The following BIN1 variants were observed in gnomAD, a reference collection of about 807,000 sequenced individuals.
BIN1 encodes myc box-dependent-interacting protein 1.
Under a neutral mutation model 82.0 loss-of-function variants are expected in BIN1, and 53 were observed. That is an observed-to-expected ratio of 0.65 (90% CI 0.52 to 0.81). BIN1 has a LOEUF of 0.81. Among genes scored for constraint, BIN1 ranks in the 40% least tolerant of loss-of-function variants. BIN1 has a pLI of 0.00. For synonymous variants in BIN1, 302 were observed against 328.0 expected, an observed-to-expected ratio of 0.92 and a Z score of 0.86; for missense variants, 642 against 784.4, an observed-to-expected ratio of 0.82 and a Z score of 2.17.
intron 2 of BIN1, among the ~76,000 whole-genome samples, chr2:127,072,109 C>T (rs750547326): frequency 3.3e-5 from 5 of 152,258 alleles, no homozygotes; most frequent in Non-Finnish European, 5.9e-5. Context: ...TCCCAGGAGA[C>T]CCAGCATGCC....
At position 127,090,120 on chromosome 2, in the gene BIN1, A is replaced by T. The variant is rs1272805821; in HGVS notation, c.85-13414T>A. ...CCAACCACCCCCCTTCCTCTCTCCA[A>T]TCAAGCTCCCCTCTGCAGCCTCCTT... is the stretch of plus-strand genomic sequence containing the variant. On this transcript the variant is annotated intron_variant, in intron 1 of 18. Coordinates refer to ENST00000316724, the MANE Select transcript of BIN1 (RefSeq NM_139343.3). The surrounding 1 kb of genome is among the most constrained non-coding windows in gnomAD (Gnocchi z 6.4). Among the ~76,000 whole-genome samples, 1 of 151,656 alleles carries T rather than the reference A, an allele frequency of 6.6e-6. No homozygotes were observed. The highest frequency in any genetic ancestry group is 1.9e-4 in the East Asian group (1 of 5,140).
chr2:127,065,247 G>C (rs114068033), intron 7 of BIN1, among the ~76,000 whole-genome samples: 1 of 152,170 alleles, frequency 6.6e-6, no homozygotes, highest in African/African-American at 2.4e-5. Flanking sequence ...TAGAGTGGGC[G>C]TGGGCTCCTT....
At position 127,053,895 on chromosome 2, in the gene BIN1, C is replaced by T. The variant is rs1683291583; in HGVS notation, c.1239+10G>A. The T allele has an allele frequency of 5.2e-6, 8 of 1,550,400 alleles. No homozygotes were observed. Among genetic ancestry groups the T allele is most frequent in the African/African-American group, 1.4e-5 (1 of 73,012 alleles). On this transcript the variant is annotated intron_variant, in intron 13 of 18. Coordinates refer to ENST00000316724, the MANE Select transcript of BIN1 (RefSeq NM_139343.3). ...TGGTGGGCCCATGGGCAGTGGTGGG[C>T]ACAACCAACCTGACCAGAGGGCGTG...
intron 12 of BIN1, chr2:127,055,033 G>C (rs1416767864): frequency 6.6e-6 from 1 of 152,278 alleles, no homozygotes; most frequent in Non-Finnish European, 1.5e-5. Flanking sequence ...CTTTGCCCAG[G>C]TTTAAAAGGA....
At chr2:127,051,021 C>CA in intron 16 of BIN1, 109 bp from the exon 17 acceptor site, 1 of 1,503,490 alleles carries the variant, frequency 6.7e-7, no homozygotes, top group Non-Finnish European at 9.2e-7. Flanking sequence ...CGCCTGGTGC[C>CA]AGACCGGCCC....
chr2:127,063,756 A>C, intron 8 of BIN1, 110 bp from the exon 9 acceptor site: 1 of 1,416,162 alleles, frequency 7.1e-7, no homozygotes, highest in East Asian at 2.4e-5. Flanking sequence ...CACAAACCAG[A>C]GAGGGCCCAG....
intron 11 of BIN1, among the ~76,000 whole-genome samples, chr2:127,058,776 G>A (rs1042544183): frequency 6.6e-6 from 1 of 152,058 alleles, no homozygotes; most frequent in Non-Finnish European, 1.5e-5. Flanking sequence ...GGGCGCTGCA[G>A]TGGGGGTGGG....
chr2:127,103,812 T>C (rs916082359), intron 1 of BIN1, among the ~76,000 whole-genome samples: 4 of 152,198 alleles, frequency 2.6e-5, no homozygotes, highest in Non-Finnish European at 2.9e-5. Flanking sequence ...GGCCCAAAAA[T>C]GGACACAATC....
intron 7 of BIN1, among the ~76,000 whole-genome samples, chr2:127,065,518 G>A (rs1381696637): frequency 6.6e-6 from 1 of 152,088 alleles, no homozygotes; most frequent in African/African-American, 2.4e-5. Flanking sequence ...GAGTCCTAGG[G>A]GTACTGTTGT....
downstream of BIN1, chr2:127,048,025 C>T (rs77059199): frequency 0.023 from 4,574 of 201,196 alleles, 95 homozygotes; most frequent in Non-Finnish European, 0.027. Flanking sequence ...AATACACACA[C>T]GTTTTCTGAG....
chr2:127,054,146 C>T (rs1039834882), intron 12 of BIN1, 134 bp from the exon 13 acceptor site: 22 of 714,246 alleles, frequency 3.1e-5, no homozygotes, highest in Admixed American at 3.1e-4. Flanking sequence ...GCAGAGCAAG[C>T]GCACATACAC....
chr2:127,050,214 T>C (rs968369869), intron 18 of BIN1, among the ~76,000 whole-genome samples: 1 of 151,712 alleles, frequency 6.6e-6, no homozygotes, highest in Admixed American at 6.6e-5. Flanking sequence ...GAGAGAGGCC[T>C]AACAGGAGAG....
intron 12 of BIN1, chr2:127,054,315 C>T (rs1023479914): frequency 2.3e-6 from 1 of 431,998 alleles, no homozygotes; most frequent in Admixed American, 3.6e-5. Flanking sequence ...CCGTGGCCGC[C>T]ACCCCGCAGG....
At position 127,076,686 on chromosome 2, in the gene BIN1, C is replaced by T; in HGVS notation, c.105G>A (p.Lys35=). The change falls in exon 2 of 19, where the codon AAG becomes AAA. Residue 35 remains lysine, a synonymous_variant. Coordinates refer to ENST00000316724, the MANE Select transcript of BIN1 (RefSeq NM_139343.3). ...ACTGCTCATCCTTGGTCTCATCTGC[C>T]TTCCCCAGCTTCTGGAGAACCTGCC... ...AQEKVLQKLG[K]ADETKDEQFE... The T allele has an allele frequency of 6.2e-7, 1 of 1,614,176 alleles. No homozygotes were observed. Among genetic ancestry groups the T allele is most frequent in the Non-Finnish European group, 8.5e-7 (1 of 1,180,042 alleles).
rs1183213851 is a variant in BIN1 at position 127,082,747 on chromosome 2, T to A, written c.85-6041A>T. Among the ~76,000 whole-genome samples, 1 of 151,476 alleles carries A rather than the reference T, an allele frequency of 6.6e-6. No individual in the cohort carries two copies. Among genetic ancestry groups the A allele is most frequent in the Non-Finnish European group, 1.5e-5 (1 of 67,966 alleles). The stretch of plus-strand genomic sequence containing the variant: ...CCTGCAACCAGACACACAGGACCCC[T>A]CTCCCGGCTGCTGCTCACACCTCCC... On this transcript the variant is annotated intron_variant, in intron 1 of 18. Transcript: ENST00000316724. The surrounding 1 kb of genome is among the most constrained non-coding windows in gnomAD (Gnocchi z 6.1).
At chr2:127,079,791 C>T (rs765196876) in intron 1 of BIN1, among the ~76,000 whole-genome samples, 2 of 152,250 alleles carry the variant, frequency 1.3e-5, no homozygotes, top group Non-Finnish European at 2.9e-5. Context: ...GGCTGCTGCT[C>T]ATCTGAGCTG....
chr2:127,097,362 A>AGCC (rs1679739788), intron 1 of BIN1, among the ~76,000 whole-genome samples: 1 of 149,386 alleles, frequency 6.7e-6, no homozygotes, highest in Non-Finnish European at 1.5e-5. Context: ...CAGCAGCGTC[A>AGCC]CTCCTCCAGG....
intron 1 of BIN1, among the ~76,000 whole-genome samples, chr2:127,084,040 GT>G (rs1558861600): frequency 6.6e-6 from 1 of 152,200 alleles, no homozygotes; most frequent in Non-Finnish European, 1.5e-5. Context: ...AAGGCAAAAA[GT>G]TGTTGAAATT....
intron 7 of BIN1, among the ~76,000 whole-genome samples, chr2:127,065,353 T>C (rs1428573224): frequency 6.6e-6 from 1 of 152,156 alleles, no homozygotes; most frequent in African/African-American, 2.4e-5. Context: ...CTCTCTTGGA[T>C]CCAGGGACCC....
Sources: allele counts gnomAD v4.1 joint callset (sites outside exome capture counted in the v4.1 genomes callset), GRCh38; gene constraint gnomAD v4.1.1; non-coding constraint Gnocchi (gnomAD v3.1); transcripts MANE v1.5; gene names NCBI Gene and HGNC (gene_info 2026-07-23, HGNC 2026-07-21).